The following MGAT4C variants were observed in gnomAD, a reference collection of about 807,000 sequenced individuals.
MGAT4C encodes the protein alpha-1,3-mannosyl-glycoprotein 4-beta-N-acetylglucosaminyltransferase C.
MGAT4C carries 19 observed loss-of-function variants against 40.1 expected under a neutral mutation model. The observed-to-expected ratio is 0.47, with a 90% CI of 0.33 to 0.70. MGAT4C has a LOEUF of 0.70. MGAT4C is among the 30% of genes least tolerant of loss of function. The probability of loss-of-function intolerance (pLI) is 0.02; values close to 1 mark genes in which losing one functional copy is unlikely to be tolerated. For synonymous variants in MGAT4C, 181 were observed against 187.1 expected (o/e 0.97, Z 0.27); for missense variants, 491 against 563.2 (o/e 0.87, Z 1.30).
At chr12:86,721,969 GATA>G (rs1435220169) in intron 2 of MGAT4C, among the ~76,000 whole-genome samples, 1 of 152,010 alleles carries the variant, frequency 6.6e-6, no homozygotes, top group Non-Finnish European at 1.5e-5. Context: ...TAGAACTGTG[GATA>G]ATATTTATTT....
At chr12:86,774,187 C>T (rs1951689776) in intron 1 of MGAT4C, among the ~76,000 whole-genome samples, 1 of 151,706 alleles carries the variant, frequency 6.6e-6, no homozygotes, top group Non-Finnish European at 1.5e-5. Context: ...CTTCTGACCT[C>T]GAGTGATCTG....
At chr12:86,110,268 C>CTATATATATATATAGACTA (rs368895751) in intron 1 of MGAT4C, among the ~76,000 whole-genome samples, 1 of 22,304 alleles carries the variant, frequency 4.5e-5, no homozygotes, top group Non-Finnish European at 8.4e-5. Context: ...TATATATAGA[C>CTATATATATATATAGACTA]TATATATATA....
intron 3 of MGAT4C, among the ~76,000 whole-genome samples, chr12:86,425,976 T>C (rs748498033): frequency 2.6e-5 from 4 of 152,246 alleles, no homozygotes; most frequent in African/African-American, 4.8e-5. Flanking sequence ...ATACTCATGA[T>C]ATATTTTATC....
intron 2 of MGAT4C, among the ~76,000 whole-genome samples, chr12:86,670,963 T>G (rs1439140761): frequency 4.6e-5 from 7 of 152,226 alleles, no homozygotes; most frequent in African/African-American, 1.7e-4. Flanking sequence ...CCATTCTATT[T>G]TTTTGTCAAC....
intron 4 of MGAT4C, among the ~76,000 whole-genome samples, chr12:86,288,940 T>C (rs1458681950): frequency 2.0e-5 from 3 of 152,180 alleles, no homozygotes; most frequent in African/African-American, 7.2e-5. Flanking sequence ...TTAATTTTTG[T>C]CTTTGTCACA....
intron 2 of MGAT4C, among the ~76,000 whole-genome samples, chr12:86,568,215 G>A (rs1280316295): frequency 6.6e-6 from 1 of 152,072 alleles, no homozygotes; most frequent in African/African-American, 2.4e-5. Flanking sequence ...ATCTGAGTGG[G>A]CACCATCTAA....
chr12:86,436,137 C>T lies in MGAT4C; in HGVS notation c.-228-872G>A, dbSNP rs779982264. 3.0e-4 allele frequency among the ~76,000 whole-genome samples: 45 copies of T among 151,896 alleles called. No individual in the cohort carries two copies. The Middle Eastern group carries it at 0.01, about 34-fold the overall frequency. ...TTAAGCGTTACCAGCAGTACCACTA[C>T]GAAAAATATGAATTAACTGGATGGA... On this transcript the variant is annotated intron_variant, in intron 2 of 7. Coordinates refer to the MGAT4C transcript ENST00000548651.
At chr12:86,424,440 A>G (rs891560591) in intron 3 of MGAT4C, among the ~76,000 whole-genome samples, 6 of 152,108 alleles carry the variant, frequency 3.9e-5, no homozygotes, top group Non-Finnish European at 7.4e-5. Context: ...TGATGTGAAA[A>G]AATGTTGGCT....
intron 4 of MGAT4C, among the ~76,000 whole-genome samples, chr12:86,265,332 G>C (rs1455447063): frequency 2.0e-5 from 3 of 152,196 alleles, no homozygotes; most frequent in Admixed American, 6.5e-5. Flanking sequence ...TTCCCAGCTG[G>C]CGAAACAACA....
intron 2 of MGAT4C, among the ~76,000 whole-genome samples, chr12:86,452,458 T>G (rs531117260): frequency 6.6e-6 from 1 of 151,918 alleles, no homozygotes; most frequent in Admixed American, 6.6e-5. Context: ...TTGTCTTGTG[T>G]GACTGCCAGG....
At chr12:86,603,778 ACTATATAATATATAG>A (rs1222262177) in intron 2 of MGAT4C, among the ~76,000 whole-genome samples, 1 of 56,728 alleles carries the variant, frequency 1.8e-5, no homozygotes, top group Admixed American at 3.4e-4. Flanking sequence ...AATTATATAT[ACTATATAATATATAG>A]TATATATATT....
chr12:86,087,358 G>A (rs1234019813), intron 1 of MGAT4C, among the ~76,000 whole-genome samples: 1 of 151,360 alleles, frequency 6.6e-6, no homozygotes, highest in Non-Finnish European at 1.5e-5. Context: ...AAATATTCTT[G>A]GATTTCTTTA....
chr12:86,286,502 G>T (rs936412774), intron 4 of MGAT4C, among the ~76,000 whole-genome samples: 8 of 152,274 alleles, frequency 5.3e-5, no homozygotes, highest in African/African-American at 1.9e-4. Context: ...AAACATGGCA[G>T]TAAATGAATA....
chr12:86,388,064 A>G (rs543254530), intron 3 of MGAT4C, among the ~76,000 whole-genome samples: 26 of 152,252 alleles, frequency 1.7e-4, no homozygotes, highest in South Asian at 1.7e-3. Context: ...TTCTCTTTTA[A>G]TAATATAAAT....
At chr12:86,226,939 A>G (rs1951108099) in intron 1 of MGAT4C, among the ~76,000 whole-genome samples, 1 of 151,718 alleles carries the variant, frequency 6.6e-6, no homozygotes, top group South Asian at 2.1e-4. Flanking sequence ...ACAAATGCAC[A>G]CTCCTCTAAC....
At chr12:86,490,650 C>G (rs1010813123) in intron 2 of MGAT4C, among the ~76,000 whole-genome samples, 4 of 151,988 alleles carry the variant, frequency 2.6e-5, no homozygotes, top group Admixed American at 6.6e-5. Context: ...AGAGTCAAAA[C>G]CCATCAGTGT....
chr12:86,477,804 TATC>T (rs1957865316), intron 2 of MGAT4C, among the ~76,000 whole-genome samples: 1 of 152,060 alleles, frequency 6.6e-6, no homozygotes, highest in South Asian at 2.1e-4. Flanking sequence ...GTCCAAGTGT[TATC>T]ATTGTTCAAT....
At chr12:86,313,440 A>T (rs1954126935) in intron 4 of MGAT4C, among the ~76,000 whole-genome samples, 3 of 152,238 alleles carry the variant, frequency 2.0e-5, no homozygotes, top group African/African-American at 7.2e-5. Context: ...TCATATGCTG[A>T]TTACTAAAAA....
intron 1 of MGAT4C, among the ~76,000 whole-genome samples, chr12:86,770,460 A>G (rs1951612364): frequency 1.3e-5 from 2 of 152,100 alleles, no homozygotes; most frequent in Admixed American, 6.6e-5. Flanking sequence ...ACATTATATA[A>G]TGGTTTCCCA....
Sources: gnomAD v4.1 joint callset for allele counts (sites outside exome capture counted in the v4.1 genomes callset) on GRCh38, gnomAD v4.1.1 for gene constraint, MANE v1.5 for transcripts, NCBI Gene and HGNC (gene_info 2026-07-23, HGNC 2026-07-21) for gene names.